The following RNF213 variants were observed in gnomAD, a reference collection of about 807,000 sequenced individuals.
RNF213 encodes the protein E3 ubiquitin-protein ligase RNF213.
A neutral mutation model predicts 514.4 loss-of-function variants in RNF213; 341 were observed. The observed-to-expected ratio is 0.66, with a 90% confidence interval of 0.61 to 0.73. RNF213 has a LOEUF of 0.73. Among genes scored for constraint, RNF213 ranks in the 30% least tolerant of loss-of-function variants. The pLI, the probability that RNF213 is intolerant of heterozygous loss-of-function variation, is 0.00. For missense variants in RNF213, 5,767 were observed against 6,615.6 expected (o/e 0.87, Z 4.45); for synonymous variants, 2,655 against 2,658.2 (o/e 1.00, Z 0.04).
rs138389700 is a variant in RNF213 at position 80,310,133 on chromosome 17, C to T, written c.2655+962C>T. Reference sequence around the variant, plus strand: ...CCCCACTCACCCCCATGTCTCTGAGCTCTGTCTGTGTGGTGCAGAGATCGG... The same window carrying T: ...CCCCACTCACCCCCATGTCTCTGAGTTCTGTCTGTGTGGTGCAGAGATCGG... On this transcript the variant is annotated intron_variant, in intron 14 of 67. Coordinates refer to ENST00000582970, the MANE Select transcript of RNF213 (RefSeq NM_001256071.3). Among the ~76,000 whole-genome samples, 275 of 152,270 alleles carry T rather than the reference C, an allele frequency of 1.8e-3. 9 individuals carry two copies. In the South Asian group the frequency reaches 0.027, roughly 15 times the overall value.
At chr17:80,369,715 T>C (rs1266696732) in intron 45 of RNF213, 44 bp downstream of exon 45, 1 of 1,613,948 alleles carries the variant, frequency 6.2e-7, no homozygotes, top group East Asian at 2.2e-5. Context: ...CATTTCTTCA[T>C]CTCGCTTCTG....
At chr17:80,337,012 A>G (rs1197512062) in intron 23 of RNF213, 1 of 164,950 alleles carries the variant, frequency 6.1e-6, no homozygotes, top group African/African-American at 2.4e-5. Flanking sequence ...CAGCCTCCGG[A>G]CGGCTGCTCT....
intron 18 of RNF213, among the ~76,000 whole-genome samples, chr17:80,326,793 C>G (rs945225607): frequency 6.6e-6 from 1 of 152,156 alleles, no homozygotes; most frequent in Non-Finnish European, 1.5e-5. Context: ...ATTCGCTTAC[C>G]CGTTCACCTC....
At chr17:80,376,223 T>C (rs2079751565) in intron 51 of RNF213, 78 bp from the exon 52 acceptor site, 1 of 1,505,050 alleles carries the variant, frequency 6.6e-7, no homozygotes, top group Admixed American at 1.7e-5. Context: ...TGATGTGTAT[T>C]TGGTGTCAGT....
At chr17:80,262,708 T>C (rs2043467108) in intron 1 of RNF213, among the ~76,000 whole-genome samples, 1 of 152,184 alleles carries the variant, frequency 6.6e-6, no homozygotes. Context: ...GAATCTGTTT[T>C]GGGGTGGCAT....
chr17:80,336,483 T>G (rs1398946750), intron 23 of RNF213, 105 bp downstream of exon 23: 1 of 956,450 alleles, frequency 1.0e-6, no homozygotes, highest in East Asian at 2.6e-5. Context: ...GTGGTAGGTT[T>G]GTACACAGCC....
rs2044737747 is a variant in RNF213 at position 80,291,760 on chromosome 17, C to T, written c.1404C>T (p.His468=). The stretch of plus-strand genomic sequence containing the variant: ...TTGAGTATGAGTTCATTTACAAGCA[C>T]CAGCAGAAGAAGGGCGAGTACGTCA... ...ESFEYEFIYK[H]QQKKGEYVNR... Residue 468 remains histidine, a synonymous_variant, in exon 8 of 68, where the codon CAC becomes CAT. Transcript: ENST00000582970. 7 of 1,614,202 alleles carry T rather than the reference C, an allele frequency of 4.3e-6. No individual in the cohort carries two copies. The highest frequency in any genetic ancestry group is 5.9e-6 in the Non-Finnish European group (7 of 1,180,042).
chr17:80,268,374 A>T (rs1351548050), intron 2 of RNF213, among the ~76,000 whole-genome samples: 1 of 140,274 alleles, frequency 7.1e-6, no homozygotes, highest in East Asian at 2.0e-4. Context: ...AAAAAAAAAA[A>T]AAAAAGGCAG....
chr17:80,318,916 A>G (rs1257401882), intron 16 of RNF213, among the ~76,000 whole-genome samples: 1 of 152,218 alleles, frequency 6.6e-6, no homozygotes, highest in Non-Finnish European at 1.5e-5. Context: ...AAAGTCAGAA[A>G]CAAGGAAAAA....
intron 61 of RNF213, 69 bp downstream of exon 61, chr17:80,385,690 C>A: frequency 2.3e-6 from 3 of 1,322,072 alleles, no homozygotes; most frequent in South Asian, 1.2e-5. Flanking sequence ...TTCTCGTCAG[C>A]CTGACTCGGC....
intron 30 of RNF213, 102 bp from the exon 31 acceptor site, chr17:80,350,199 C>T (rs1004785042): frequency 3.1e-5 from 26 of 827,274 alleles, no homozygotes; most frequent in Non-Finnish European, 5.1e-5. Flanking sequence ...ACCTGAGTAG[C>T]TGTTTCTTTG....
chr17:80,351,982 G>C, intron 32 of RNF213, 179 bp downstream of exon 32: 1 of 484,366 alleles, frequency 2.1e-6, no homozygotes, highest in Non-Finnish European at 3.8e-6. Flanking sequence ...AGCCTCCCAA[G>C]TAGCTGGCAT....
In RNF213 at chr17:80,353,857, GT is replaced by G; in HGVS notation, c.10579-159del. 8.4e-7 allele frequency: 1 copy of G among 1,191,434 alleles called. No homozygotes were observed. Among genetic ancestry groups the G allele is most frequent in the Non-Finnish European group, 1.2e-6 (1 of 824,456 alleles). 73.8% of individuals were successfully genotyped at this position (1,191,434 alleles called of 1,614,324 possible). ...GGGGTCAAGGGCATCTGCACCGGCAGTTTGGGGGGTGCAGGGCGGAGGTCGG... is the reference window on the plus strand; with the variant it reads ...GGGGTCAAGGGCATCTGCACCGGCAGTTGGGGGGTGCAGGGCGGAGGTCGG... On this transcript the variant is annotated intron_variant, in intron 34 of 67. Coordinates refer to ENST00000582970, the MANE Select transcript of RNF213 (RefSeq NM_001256071.3). This position sits in a 1 kb window ranked among gnomAD's most constrained non-coding sequence, Gnocchi z 5.0.
intron 37 of RNF213, 87 bp downstream of exon 37, chr17:80,358,566 C>T (rs1011297848): frequency 2.3e-5 from 29 of 1,266,742 alleles, no homozygotes; most frequent in Middle Eastern, 1.8e-4. Flanking sequence ...CTGGGTGAAA[C>T]GCAGCCCTCA....
chr17:80,294,642 C>T (rs780477223), intron 8 of RNF213, 78 bp from the exon 9 acceptor site: 1 of 1,534,664 alleles, frequency 6.5e-7, no homozygotes, highest in Non-Finnish European at 9.0e-7. Flanking sequence ...CAGTCGTGAT[C>T]AGCCTTCTAG....
In RNF213 at chr17:80,287,858, C is replaced by G. The variant is rs143184273; in HGVS notation, c.305C>G (p.Ser102Cys). The G allele has an allele frequency of 1.7e-4, 272 of 1,605,432 alleles. 1 individual carries two copies. The African/African-American group carries it at 3.1e-3, about 18-fold the overall frequency. ...AAGAAGAAAAAGAAGGGGAACAAGT[C>G]CGCTTCCTCAGAGCTGGCTTCCTTG... ...KRKKKKKGNK[S>C]ASSELASLPL... Residue 102 changes from serine to cysteine, a missense_variant, in exon 4 of 68, where the codon TCC becomes TGC. Physicochemically the swap from Ser to Cys is moderately radical, Grantham distance 112 (BLOSUM62 -1). This residue lies in a region of RNF213 where 509 missense variants were observed against 496.7 expected (regional missense o/e 1.02). Coordinates refer to ENST00000582970, the MANE Select transcript of RNF213 (RefSeq NM_001256071.3).
At chr17:80,344,632 TAGAA>T in intron 28 of RNF213, 42 bp from the exon 29 acceptor site, 1 of 1,610,384 alleles carries the variant, frequency 6.2e-7, no homozygotes. Flanking sequence ...AAGCATTTCT[TAGAA>T]AGTCTTCTTG....
intron 44 of RNF213, among the ~76,000 whole-genome samples, chr17:80,368,458 T>C (rs78689692): frequency 2.9e-5 from 4 of 139,022 alleles, no homozygotes; most frequent in Non-Finnish European, 6.1e-5. Context: ...TTTGAGACAG[T>C]GTTTCACTCT....
rs1444159985 is a variant in RNF213 at position 80,354,588 on chromosome 17, A to G, written c.10862+12A>G. Reference sequence around the variant, plus strand: ...GCGGGCACATTCAGGTACTGTGACTAAAGGAAGCAAGGAGTGGCTCCAATC... The same window carrying G: ...GCGGGCACATTCAGGTACTGTGACTGAAGGAAGCAAGGAGTGGCTCCAATC... On this transcript the variant is annotated intron_variant, in intron 36 of 67. Coordinates refer to ENST00000582970, the MANE Select transcript of RNF213 (RefSeq NM_001256071.3). The G allele has an allele frequency of 6.2e-6, 10 of 1,613,982 alleles. No homozygotes were observed. The Admixed American group carries it at 1.7e-4, about 27-fold the overall frequency.
Sources: allele counts gnomAD v4.1 joint callset (sites outside exome capture counted in the v4.1 genomes callset), GRCh38; gene constraint gnomAD v4.1.1; regional missense constraint gnomAD v4.1.1; non-coding constraint Gnocchi (gnomAD v3.1); transcripts MANE v1.5; gene names NCBI Gene and HGNC (gene_info 2026-07-23, HGNC 2026-07-21).